Variants in NEO1 observed in about 807,000 individuals in gnomAD.
NEO1 encodes neogenin.
Under a neutral mutation model 159.7 loss-of-function variants are expected in NEO1, and 63 were observed. The observed-to-expected ratio is 0.39, with a 90% CI of 0.32 to 0.49. NEO1 has a LOEUF of 0.49. Ranked by LOEUF, NEO1 falls within the 20% of genes least tolerant of loss-of-function variation. The pLI is 0.85. For missense variants in NEO1, 1,615 were observed against 1,831.0 expected (o/e 0.88, Z 2.15); for synonymous variants, 633 against 662.0 (o/e 0.96, Z 0.67).
At chr15:73,294,004 A>G (rs548413300) in intron 26 of NEO1, among the ~76,000 whole-genome samples, 1 of 152,192 alleles carries the variant, frequency 6.6e-6, no homozygotes, top group South Asian at 2.1e-4. Flanking sequence ...AACAACATCC[A>G]AGGAGCAGTG....
chr15:73,298,146 C>G (rs977793063), intron 26 of NEO1, among the ~76,000 whole-genome samples: 2 of 152,166 alleles, frequency 1.3e-5, no homozygotes, highest in African/African-American at 4.8e-5. Context: ...AGGTGAAAAA[C>G]TGGAATAGCT....
At chr15:73,156,894 G>T (rs1002184514) in intron 5 of NEO1, among the ~76,000 whole-genome samples, 4 of 152,168 alleles carry the variant, frequency 2.6e-5, no homozygotes, top group African/African-American at 9.7e-5. Flanking sequence ...TGGCAGGGCA[G>T]TTCTCAGGCC....
At position 73,302,724 on chromosome 15, in the gene NEO1, C is replaced by T. The variant is rs1399282178; in HGVS notation, c.*28C>T. On this transcript the variant is annotated 3_prime_UTR_variant, in exon 29 of 29. Transcript: ENST00000261908. ...ACCTTCACCAGGACCTGACTTCAAACCTGAGTCTGGAAGTCTTGGAACTTA... is the reference window on the plus strand; with the variant it reads ...ACCTTCACCAGGACCTGACTTCAAATCTGAGTCTGGAAGTCTTGGAACTTA... 4.4e-6 allele frequency: 7 copies of T among 1,598,408 alleles called. No homozygotes were observed. In the Admixed American group the frequency reaches 8.5e-5, roughly 19 times the overall value.
chr15:73,097,357 C>CTTT (rs34372480), intron 1 of NEO1, among the ~76,000 whole-genome samples: 5,929 of 102,826 alleles, frequency 0.058, 531 homozygotes, highest in African/African-American at 0.14. Flanking sequence ...GTCAGAGCCT[C>CTTT]TTTTTTTTTT....
At chr15:73,301,498 A>G (rs748852141) in intron 28 of NEO1, 41 bp downstream of exon 28, 2 of 1,613,372 alleles carry the variant, frequency 1.2e-6, no homozygotes, top group Admixed American at 1.7e-5. Context: ...ATTGCCTGGG[A>G]ACATGCCCCA....
At chr15:73,174,100 A>AG (rs1367064659) in intron 5 of NEO1, among the ~76,000 whole-genome samples, 1 of 2,826 alleles carries the variant, frequency 3.5e-4, no homozygotes, top group Non-Finnish European at 4.0e-3. Context: ...ACTCCATCTC[A>AG]AAAAAAAAAA....
intron 26 of NEO1, among the ~76,000 whole-genome samples, chr15:73,296,617 T>C (rs781488994): frequency 3.3e-5 from 5 of 152,196 alleles, no homozygotes; most frequent in African/African-American, 4.8e-5. Context: ...TTCTGCAGAT[T>C]GCTCATGCTT....
At chr15:73,209,142 G>A (rs1303927779) in intron 7 of NEO1, among the ~76,000 whole-genome samples, 2 of 152,132 alleles carry the variant, frequency 1.3e-5, no homozygotes, top group African/African-American at 2.4e-5. Context: ...GTTATGAATT[G>A]TATTAGCTTG....
intron 6 of NEO1, among the ~76,000 whole-genome samples, chr15:73,177,503 G>C (rs546955439): frequency 5.3e-5 from 8 of 152,234 alleles, no homozygotes; most frequent in African/African-American, 1.9e-4. Flanking sequence ...TTGGAAACTA[G>C]AAAATTTTTA....
At chr15:73,226,544 C>G (rs1295356977) in intron 7 of NEO1, among the ~76,000 whole-genome samples, 2 of 152,164 alleles carry the variant, frequency 1.3e-5, no homozygotes, top group African/African-American at 2.4e-5. Context: ...CATGGCAAAT[C>G]TCTACAATCT....
At chr15:73,268,140 G>A (rs994980979) in intron 16 of NEO1, among the ~76,000 whole-genome samples, 11 of 151,890 alleles carry the variant, frequency 7.2e-5, no homozygotes, top group Non-Finnish European at 1.6e-4. Context: ...TACATGTTTG[G>A]TAGTTCTGTT....
chr15:73,254,748 A>T lies in NEO1; in HGVS notation c.2011A>T (p.Ile671Phe). 6.2e-7 allele frequency: 1 copy of T among 1,614,140 alleles called. No homozygotes were observed. Among genetic ancestry groups the T allele is most frequent in the Non-Finnish European group, 8.5e-7 (1 of 1,179,996 alleles). The change falls in exon 13 of 29, where the codon ATT becomes TTT. Residue 671 changes from isoleucine to phenylalanine, a missense_variant. Transcript: ENST00000261908. ...AAATGGGCAGATTACTGGCTACAAG[A>T]TTCGCTACCGAAAGGCCTCCCGAAA... is the stretch of plus-strand genomic sequence containing the variant. Reference protein sequence around the residue: ...TQNGQITGYKIRYRKASRKSD... With the variant: ...TQNGQITGYKFRYRKASRKSD...
chr15:73,200,329 A>G (rs1596325435), intron 7 of NEO1, among the ~76,000 whole-genome samples: 1 of 151,976 alleles, frequency 6.6e-6, no homozygotes, highest in African/African-American at 2.4e-5. Flanking sequence ...ACCTATAATC[A>G]CAGCACTTTG....
chr15:73,090,715 C>G (rs983180242), intron 1 of NEO1, among the ~76,000 whole-genome samples: 4 of 152,134 alleles, frequency 2.6e-5, no homozygotes, highest in Non-Finnish European at 4.4e-5. Context: ...AAAATTATCA[C>G]TATCATTCCA....
chr15:73,210,083 A>G (rs1196556769), intron 7 of NEO1, among the ~76,000 whole-genome samples: 3 of 152,208 alleles, frequency 2.0e-5, no homozygotes, highest in Non-Finnish European at 4.4e-5. Flanking sequence ...CTGAAGTGCC[A>G]TGTGCTTTCA....
intron 13 of NEO1, chr15:73,256,241 T>G (rs2150968285): frequency 6.6e-6 from 1 of 152,366 alleles, no homozygotes; most frequent in South Asian, 2.1e-4. Context: ...GGCTGATGCC[T>G]ATAATCCCAG....
intron 1 of NEO1, among the ~76,000 whole-genome samples, chr15:73,059,708 TC>T (rs1246673523): frequency 6.6e-6 from 1 of 152,228 alleles, no homozygotes; most frequent in Non-Finnish European, 1.5e-5. Flanking sequence ...AGTGCTGCTT[TC>T]CCTCATAATT....
chr15:73,263,993 T>C (rs1399429643), intron 15 of NEO1, among the ~76,000 whole-genome samples: 1 of 151,980 alleles, frequency 6.6e-6, no homozygotes, highest in Non-Finnish European at 1.5e-5. Flanking sequence ...CAAGACCAAC[T>C]TGGGCAACAT....
intron 12 of NEO1, 40 bp from the exon 13 acceptor site, chr15:73,254,642 G>T: frequency 6.5e-7 from 1 of 1,532,564 alleles, no homozygotes; most frequent in Non-Finnish European, 8.7e-7. Context: ...CCAAGCTTTT[G>T]ATATATTCAG....
Sources: gnomAD v4.1 joint callset for allele counts (sites outside exome capture counted in the v4.1 genomes callset) on GRCh38, gnomAD v4.1.1 for gene constraint, MANE v1.5 for transcripts, NCBI Gene and HGNC (gene_info 2026-07-23, HGNC 2026-07-21) for gene names.